YTHDC2: variants seen among roughly 807,000 people sequenced by gnomAD.
YTHDC2 encodes 3'-5' RNA helicase YTHDC2.
Under a neutral mutation model 174.9 loss-of-function variants are expected in YTHDC2, and 45 were observed. The ratio of observed to expected loss-of-function variants is 0.26; its 90% CI spans 0.20 to 0.33. YTHDC2 has a LOEUF of 0.33. YTHDC2 is among the 10% of genes least tolerant of loss of function. The pLI is 1.00. For synonymous variants in YTHDC2, 657 were observed against 574.5 expected, an observed-to-expected ratio of 1.14 and a Z score of -2.05; for missense variants, 1,650 against 1,723.7, an observed-to-expected ratio of 0.96 and a Z score of 0.76.
intron 12 of YTHDC2, among the ~76,000 whole-genome samples, chr5:113,549,352 A>G (rs887875965): frequency 1.3e-5 from 2 of 152,188 alleles, no homozygotes; most frequent in South Asian, 2.1e-4. Context: ...GTCAAAGAGA[A>G]TGGAAGAGGA....
rs1276961124 is a variant in YTHDC2, at chr5:113,535,687, A to G, written c.991A>G (p.Lys331Glu). ...RDRFSDFLLT[K>E]LRDLLQKHPT... Reference sequence around the variant, plus strand: ...TCGATTTAGTGATTTTTTACTTACAAAGTTAAGAGATTTGTTGCAAAAGCA... The same window carrying G: ...TCGATTTAGTGATTTTTTACTTACAGAGTTAAGAGATTTGTTGCAAAAGCA... The change falls in exon 7 of 30, where the codon AAG (lysine) becomes GAG (glutamate). Residue 331 changes from lysine to glutamate, a missense_variant. By Grantham distance (56) the Lys-to-Glu change is moderately conservative. This residue lies in a region of YTHDC2 where 411 missense variants were observed against 380.6 expected (regional missense o/e 1.08). Transcript: ENST00000161863. 1 of 1,613,686 alleles carries G rather than the reference A, an allele frequency of 6.2e-7. No homozygotes were observed. Among genetic ancestry groups the G allele is most frequent in the Non-Finnish European group, 8.5e-7 (1 of 1,179,842 alleles).
rs1455033621 is a variant in YTHDC2, at chr5:113,539,169, GA to G, written c.1203del (p.Lys401AsnfsTer33). The G allele has an allele frequency of 1.5e-6, 2 of 1,355,778 alleles. No homozygotes were observed. Among genetic ancestry groups the G allele is most frequent in the African/African-American group, 1.5e-5 (1 of 66,238 alleles). 84.0% of individuals were successfully genotyped at this position (1,355,778 alleles called of 1,614,324 possible). A position where few individuals can be genotyped will look rare whatever the true frequency, so the allele number is the denominator to read the frequency against. On this transcript the variant is annotated frameshift_variant, in exon 8 of 30. Transcript: ENST00000161863. LOFTEE classifies it high-confidence loss of function. ...CAAAGAAATGTTAAAATATAAAAAG[GA>G]AAAACAGCAAGGTAAATTTTTTAAT... The part of the protein sequence containing the change: ...TNKEMLKYKK[E>X]KQQEEKQQTT...
intron 2 of YTHDC2, among the ~76,000 whole-genome samples, chr5:113,522,195 CTG>C (rs1773922161): frequency 7.1e-6 from 1 of 140,134 alleles, no homozygotes. Flanking sequence ...CTCCTGGTGT[CTG>C]TGAGCTTTTT....
chr5:113,547,449 C>A (rs986439744), intron 10 of YTHDC2, among the ~76,000 whole-genome samples: 4 of 152,094 alleles, frequency 2.6e-5, no homozygotes, highest in Non-Finnish European at 5.9e-5. Context: ...TTGTCCAAAT[C>A]CGTAAAATGC....
intron 21 of YTHDC2, among the ~76,000 whole-genome samples, chr5:113,566,595 A>G (rs1777347612): frequency 6.6e-6 from 1 of 152,078 alleles, no homozygotes; most frequent in African/African-American, 2.4e-5. Context: ...CCAGAGTAAT[A>G]TAAGGAATGA....
At chr5:113,581,321 T>G (rs1778389763) in intron 24 of YTHDC2, 96 bp from the exon 25 acceptor site, 2 of 1,146,420 alleles carry the variant, frequency 1.7e-6, no homozygotes, top group East Asian at 5.6e-5. Flanking sequence ...GAAATAAGTT[T>G]GTTGGAAACA....
intron 4 of YTHDC2, among the ~76,000 whole-genome samples, chr5:113,527,158 C>G (rs1774319199): frequency 1.3e-5 from 2 of 152,102 alleles, no homozygotes; most frequent in Admixed American, 1.3e-4. Context: ...CCTCTGTGAG[C>G]CAGAGTTCTC....
chr5:113,525,255 GA>G, intron 3 of YTHDC2, 78 bp downstream of exon 3: 1 of 1,184,668 alleles, frequency 8.4e-7, no homozygotes, highest in East Asian at 2.7e-5. Context: ...ATTTATTTTC[GA>G]AAACCAAGAT....
At chr5:113,574,292 T>G (rs1323391837) in intron 23 of YTHDC2, among the ~76,000 whole-genome samples, 1 of 152,108 alleles carries the variant, frequency 6.6e-6, no homozygotes, top group Non-Finnish European at 1.5e-5. Flanking sequence ...GTATCACCAG[T>G]GAAGTCTGCA....
At chr5:113,569,568 C>G (rs1777581246) in intron 23 of YTHDC2, among the ~76,000 whole-genome samples, 1 of 152,186 alleles carries the variant, frequency 6.6e-6, no homozygotes, top group Non-Finnish European at 1.5e-5. Flanking sequence ...ATATAGCTAA[C>G]CAGTTCTTTC....
At chr5:113,580,767 T>C (rs1778352892) in intron 24 of YTHDC2, among the ~76,000 whole-genome samples, 1 of 152,144 alleles carries the variant, frequency 6.6e-6, no homozygotes, top group South Asian at 2.1e-4. Context: ...CTCCTGCCCT[T>C]CCCCAGTTTT....
chr5:113,555,991 C>G, intron 16 of YTHDC2, 61 bp from the exon 17 acceptor site: 1 of 988,556 alleles, frequency 1.0e-6, no homozygotes. Flanking sequence ...TGATAACATT[C>G]TTGCTATTAC....
intron 12 of YTHDC2, among the ~76,000 whole-genome samples, chr5:113,552,214 G>C (rs1197849308): frequency 6.6e-6 from 1 of 151,848 alleles, no homozygotes; most frequent in African/African-American, 2.4e-5. Flanking sequence ...CACCCATTTA[G>C]GTGACCAATT....
At chr5:113,559,616 G>A (rs1031627972) in intron 17 of YTHDC2, among the ~76,000 whole-genome samples, 2 of 152,214 alleles carry the variant, frequency 1.3e-5, no homozygotes, top group African/African-American at 4.8e-5. Flanking sequence ...CAACACTGTA[G>A]ATATCACAGT....
In YTHDC2 at chr5:113,561,964, GT is replaced by G. The variant is rs1561676002; in HGVS notation, c.2322+780del. On this transcript the variant is annotated intron_variant, in intron 18 of 29. Coordinates refer to ENST00000161863, the MANE Select transcript of YTHDC2 (RefSeq NM_022828.5). ...TGACCTCTATTAATTGTGGGTGTGTGTGTGTGTGTGTGTGTGTGTGTGTGTG... is the reference window on the plus strand; with the variant it reads ...TGACCTCTATTAATTGTGGGTGTGTGGTGTGTGTGTGTGTGTGTGTGTGTG... Among the ~76,000 whole-genome samples, 57 of 90,134 alleles carry G rather than the reference GT, an allele frequency of 6.3e-4. No individual in the cohort carries two copies. In the East Asian group the frequency reaches 0.016, roughly 25 times the overall value. 59.1% of individuals were successfully genotyped at this position (90,134 alleles called of 152,430 possible).
At chr5:113,558,709 G>T (rs1776764614) in intron 17 of YTHDC2, among the ~76,000 whole-genome samples, 1 of 152,166 alleles carries the variant, frequency 6.6e-6, no homozygotes, top group South Asian at 2.1e-4. Flanking sequence ...AGATCACAAG[G>T]TTAGGAGTTC....
At chr5:113,555,989 T>C (rs1296342875) in intron 16 of YTHDC2, 63 bp from the exon 17 acceptor site, 3 of 970,306 alleles carry the variant, frequency 3.1e-6, no homozygotes, top group Non-Finnish European at 3.1e-6. Flanking sequence ...GTTGATAACA[T>C]TCTTGCTATT....
Position 113,564,280 on chromosome 5 carries a change from T to C in YTHDC2, c.2715+149T>C, listed in dbSNP as rs1397398493. The C allele has an allele frequency of 9.5e-6, 9 of 946,526 alleles. No individual in the cohort carries two copies. In the East Asian group the frequency reaches 2.2e-4, roughly 24 times the overall value. 58.6% of individuals were successfully genotyped at this position (946,526 alleles called of 1,614,324 possible). A position where few individuals can be genotyped will look rare whatever the true frequency, so the allele number is the denominator to read the frequency against. ...GTCACATTAATAGTCCTGAAAAATA[T>C]CTTCTTGCTGTTGTTATGTTAAAAT... On this transcript the variant is annotated intron_variant, in intron 20 of 29. Transcript: ENST00000161863.
Position 113,539,282 on chromosome 5 carries a change from GT to G in YTHDC2, c.1210+106del, listed in dbSNP as rs1363678462. The G allele has an allele frequency of 1.7e-5, 8 of 474,242 alleles. No individual in the cohort carries two copies. In the East Asian group the frequency reaches 2.4e-4, roughly 14 times the overall value. 29.4% of individuals were successfully genotyped at this position (474,242 alleles called of 1,614,324 possible). A position where few individuals can be genotyped will look rare whatever the true frequency, so the allele number is the denominator to read the frequency against. ...TGGAGGTACAAGGACACTTGAAAGT[GT>G]TTTTCTCTTGTATATAATTGTATAA... On this transcript the variant is annotated intron_variant, in intron 8 of 29. Coordinates refer to ENST00000161863, the MANE Select transcript of YTHDC2 (RefSeq NM_022828.5).
Sources: allele counts gnomAD v4.1 joint callset (sites outside exome capture counted in the v4.1 genomes callset), GRCh38; gene constraint gnomAD v4.1.1; regional missense constraint gnomAD v4.1.1; transcripts MANE v1.5; gene names NCBI Gene and HGNC (gene_info 2026-07-23, HGNC 2026-07-21).